The following IQCM variants were observed in gnomAD, a reference collection of about 807,000 sequenced individuals.
The protein encoded by IQCM is IQ domain-containing protein M.
In IQCM, 45 loss-of-function variants were observed where a neutral mutation model predicts 57.6. That is an observed-to-expected ratio of 0.78 (90% CI 0.62 to 1.00). The LOEUF (loss-of-function observed/expected upper bound fraction) is 1.00. IQCM is among the 50% of genes least tolerant of loss of function. The probability of loss-of-function intolerance (pLI) is 0.00; values close to 1 mark genes in which losing one functional copy is unlikely to be tolerated. For missense variants in IQCM, 468 were observed against 511.6 expected (o/e 0.91, Z 0.82); for synonymous variants, 148 against 158.9 (o/e 0.93, Z 0.51).
At chr4:149,650,990 A>G (rs1399558253) in intron 7 of IQCM, among the ~76,000 whole-genome samples, 1 of 152,218 alleles carries the variant, frequency 6.6e-6, no homozygotes, top group South Asian at 2.1e-4. Flanking sequence ...GAAATAATCC[A>G]AAACCATTAA....
At chr4:149,584,264 A>G (rs1752464297) in intron 9 of IQCM, among the ~76,000 whole-genome samples, 1 of 151,544 alleles carries the variant, frequency 6.6e-6, no homozygotes, top group Non-Finnish European at 1.5e-5. Context: ...AATCTTATGA[A>G]TTTCTAACAA....
intron 10 of IQCM, among the ~76,000 whole-genome samples, chr4:149,558,841 A>T (rs1458114197): frequency 6.6e-6 from 1 of 152,164 alleles, no homozygotes; most frequent in African/African-American, 2.4e-5. Flanking sequence ...ATATGGCCCA[A>T]TTCCCTTCTG....
intron 12 of IQCM, among the ~76,000 whole-genome samples, chr4:149,511,229 T>C (rs1379946179): frequency 6.6e-6 from 1 of 152,106 alleles, no homozygotes; most frequent in Admixed American, 6.6e-5. Context: ...TTTTAAAATG[T>C]ATTTTGTGGC....
At chr4:149,355,102 A>G (rs549409010) in intron 13 of IQCM, among the ~76,000 whole-genome samples, 1 of 152,314 alleles carries the variant, frequency 6.6e-6, no homozygotes, top group South Asian at 2.1e-4. Context: ...TGATATCATA[A>G]AATAAGCTTT....
chr4:149,494,791 A>C (rs1451225468), intron 12 of IQCM, among the ~76,000 whole-genome samples: 1 of 152,138 alleles, frequency 6.6e-6, no homozygotes, highest in African/African-American at 2.4e-5. Flanking sequence ...TTGGTGGATC[A>C]GAATAAGGGG....
intron 3 of IQCM, among the ~76,000 whole-genome samples, chr4:149,741,739 T>C (rs1374255256): frequency 6.6e-6 from 1 of 152,150 alleles, no homozygotes; most frequent in Admixed American, 6.6e-5. Context: ...AGATTAACTC[T>C]AAAAGAAATA....
chr4:149,405,213 C>T (rs1357860294), intron 13 of IQCM, among the ~76,000 whole-genome samples: 1 of 152,040 alleles, frequency 6.6e-6, no homozygotes, highest in Non-Finnish European at 1.5e-5. Flanking sequence ...ACAAACAGTT[C>T]CTAGTAGAGT....
intron 9 of IQCM, among the ~76,000 whole-genome samples, chr4:149,587,084 T>G (rs2149998493): frequency 6.6e-6 from 1 of 151,824 alleles, no homozygotes; most frequent in South Asian, 2.1e-4. Flanking sequence ...TAATCAACTT[T>G]TAGTCATTTT....
intron 2 of IQCM, among the ~76,000 whole-genome samples, chr4:149,777,185 T>C (rs1462173057): frequency 6.6e-6 from 1 of 152,230 alleles, no homozygotes; most frequent in African/African-American, 2.4e-5. Flanking sequence ...AAAGAGACTG[T>C]CTGAAATTCT....
chr4:149,355,350 A>G (rs951590979), intron 13 of IQCM, among the ~76,000 whole-genome samples: 4 of 150,842 alleles, frequency 2.7e-5, no homozygotes, highest in Non-Finnish European at 5.9e-5. Context: ...CCATTAACTC[A>G]TCATTTAGCA....
intron 12 of IQCM, among the ~76,000 whole-genome samples, chr4:149,529,903 C>T (rs1388861481): frequency 6.6e-6 from 1 of 152,168 alleles, no homozygotes; most frequent in African/African-American, 2.4e-5. Flanking sequence ...TTTAATGTTG[C>T]CTTCAAGATA....
chr4:149,478,247 C>T (rs565747296), intron 12 of IQCM, among the ~76,000 whole-genome samples: 3 of 152,138 alleles, frequency 2.0e-5, no homozygotes, highest in Admixed American at 1.3e-4. Context: ...ACAGTCTTTG[C>T]GAGGAGATGG....
chr4:149,424,502 C>T (rs746568458), intron 13 of IQCM, among the ~76,000 whole-genome samples: 5 of 151,560 alleles, frequency 3.3e-5, no homozygotes, highest in Non-Finnish European at 7.4e-5. Flanking sequence ...GTGGAATATG[C>T]AGAAAAATTA....
Position 149,553,337 on chromosome 4 carries a change from T to A in IQCM, c.949-50A>T, listed in dbSNP as rs1579464862. 3.3e-6 allele frequency: 4 copies of A among 1,208,490 alleles called. No homozygotes were observed. The East Asian group carries it at 1.3e-4, about 38-fold the overall frequency. 74.9% of individuals were successfully genotyped at this position (1,208,490 alleles called of 1,614,324 possible). A position where few individuals can be genotyped will look rare whatever the true frequency, so the allele number is the denominator to read the frequency against. On this transcript the variant is annotated intron_variant, in intron 10 of 13. Transcript: ENST00000636793. ...TATATTTCTGGTATTTATATTTAAT[T>A]TGATTTCGCCTCTTTCATTTAGTCT... is the stretch of plus-strand genomic sequence containing the variant.
chr4:149,388,737 T>C (rs978421131), intron 13 of IQCM, among the ~76,000 whole-genome samples: 1 of 145,476 alleles, frequency 6.9e-6, no homozygotes, highest in Non-Finnish European at 1.5e-5. Context: ...GACATATATA[T>C]ATATGACATA....
At chr4:149,722,703 T>C (rs900643553) in intron 5 of IQCM, among the ~76,000 whole-genome samples, 4 of 151,932 alleles carry the variant, frequency 2.6e-5, no homozygotes, top group African/African-American at 9.7e-5. Flanking sequence ...TTTATGGTAT[T>C]ATTTCAAATA....
chr4:149,724,893 TAGTC>T (rs1415117142), intron 5 of IQCM, among the ~76,000 whole-genome samples: 11 of 152,020 alleles, frequency 7.2e-5, no homozygotes, highest in Non-Finnish European at 5.9e-5. Context: ...TAATTTCTAA[TAGTC>T]AATCATTTTA....
intron 2 of IQCM, among the ~76,000 whole-genome samples, chr4:149,769,040 T>G (rs1268886367): frequency 6.6e-6 from 1 of 152,108 alleles, no homozygotes; most frequent in African/African-American, 2.4e-5. Context: ...AAATAATCTT[T>G]CATTATATAG....
intron 12 of IQCM, among the ~76,000 whole-genome samples, chr4:149,543,588 G>C (rs932894471): frequency 4.4e-5 from 5 of 114,634 alleles, no homozygotes; most frequent in East Asian, 6.3e-4. Context: ...TGTGTGGGGT[G>C]GGGGGAGGGG....
Sources: gnomAD v4.1 joint callset for allele counts (sites outside exome capture counted in the v4.1 genomes callset) on GRCh38, gnomAD v4.1.1 for gene constraint, MANE v1.5 for transcripts, NCBI Gene and HGNC (gene_info 2026-07-23, HGNC 2026-07-21) for gene names.